ZBTB6: variants seen among roughly 807,000 people sequenced by gnomAD.
ZBTB6 encodes the protein zinc finger and BTB domain containing 6, also known as zinc finger and BTB domain-containing protein 6.
In ZBTB6, 11 loss-of-function variants were observed where a neutral mutation model predicts 30.6. The observed-to-expected ratio is 0.36, with a 90% CI of 0.23 to 0.60. The LOEUF (loss-of-function observed/expected upper bound fraction) is 0.60, where lower values mean the gene tolerates loss of function less well. Ranked by LOEUF, ZBTB6 falls within the 20% of genes least tolerant of loss-of-function variation. The pLI, the probability that ZBTB6 is intolerant of heterozygous loss-of-function variation, is 0.75. For synonymous variants in ZBTB6, 174 were observed against 172.0 expected, an observed-to-expected ratio of 1.01 and a Z score of -0.09; for missense variants, 380 against 489.4, an observed-to-expected ratio of 0.78 and a Z score of 2.11.
In ZBTB6 at chr9:122,910,898, T is replaced by A. The variant is rs374779737; in HGVS notation, c.1175A>T (p.Lys392Met). ...YKCHCCDMDF[K>M]HKSALKKHLT... ...GTGCTTTTTGAGAGCAGACTTGTGC[T>A]TGAAATCCATATCACAACAGTGGCA... The change falls in exon 2 of 2, where the codon AAG becomes ATG. Residue 392 changes from lysine to methionine, a missense_variant. Physicochemically the swap from Lys to Met is moderately conservative, Grantham distance 95. Coordinates refer to ENST00000373659, the MANE Select transcript of ZBTB6 (RefSeq NM_006626.6). 3.7e-6 allele frequency: 6 copies of A among 1,614,106 alleles called. No homozygotes were observed.
intron 1 of ZBTB6, 54 bp downstream of exon 1, chr9:122,913,197 C>T: frequency 3.1e-6 from 3 of 956,526 alleles, no homozygotes; most frequent in African/African-American, 3.5e-5. Flanking sequence ...TCCTCCTCCT[C>T]CTCCTCTTCC....
At position 122,911,494 on chromosome 9, in the gene ZBTB6, C is replaced by T. The variant is rs976645841; in HGVS notation, c.579G>A (p.Leu193=). 2.5e-5 allele frequency: 41 copies of T among 1,614,024 alleles called. No individual in the cohort carries two copies. The highest frequency in any genetic ancestry group is 3.4e-5 in the Non-Finnish European group (40 of 1,180,038). ...ACTTCATTTCCTTTCTCTCTGATGT[C>T]AGACTCTCTACTGTAGACTGCAAAG... ...SNALQSTVES[L]TSERKEMKSP... The change falls in exon 2 of 2, where the codon CTG becomes CTA. Residue 193 remains leucine (L), a synonymous_variant. Coordinates refer to ENST00000373659, the MANE Select transcript of ZBTB6 (RefSeq NM_006626.6). This position sits in a 1 kb window ranked among gnomAD's most constrained non-coding sequence, Gnocchi z 4.5.
chr9:122,910,529 C>A lies in ZBTB6; in HGVS notation c.*269G>T. ...CTGCTGGATCCTTTGTCACTAGAAT[C>A]AAGAATATATAAGAGAGGAACACTA... On this transcript the variant is annotated 3_prime_UTR_variant, in exon 2 of 2. Coordinates refer to ENST00000373659, the MANE Select transcript of ZBTB6 (RefSeq NM_006626.6). 1 of 304,002 alleles carries A rather than the reference C, an allele frequency of 3.3e-6. No homozygotes were observed. The highest frequency in any genetic ancestry group is 6.1e-6 in the Non-Finnish European group (1 of 163,840). The allele number at this position is 304,002 out of a possible 1,614,324, so 18.8% of individuals were successfully genotyped here. A position where few individuals can be genotyped will look rare whatever the true frequency, so the allele number is the denominator to read the frequency against.
At chr9:122,912,884 G>C (rs1448876949) in intron 1 of ZBTB6, among the ~76,000 whole-genome samples, 3 of 152,124 alleles carry the variant, frequency 2.0e-5, no homozygotes, top group Non-Finnish European at 4.4e-5. Context: ...TTTTCAGCTA[G>C]TGATTAGGCT....
chr9:122,910,610 C>T lies in ZBTB6; in HGVS notation c.*188G>A. ...GTAAGGTATGAGATGAGACAGAATCCCATCAGCTTTACTGTGCCTCCCATA... is the reference window on the plus strand; with the variant it reads ...GTAAGGTATGAGATGAGACAGAATCTCATCAGCTTTACTGTGCCTCCCATA... On this transcript the variant is annotated 3_prime_UTR_variant, in exon 2 of 2. Coordinates refer to ENST00000373659, the MANE Select transcript of ZBTB6 (RefSeq NM_006626.6). The T allele has an allele frequency of 3.4e-6, 2 of 585,670 alleles. No individual in the cohort carries two copies. Among genetic ancestry groups the T allele is most frequent in the South Asian group, 4.5e-5 (2 of 44,914 alleles). The allele number at this position is 585,670 out of a possible 1,614,324, so 36.3% of individuals were successfully genotyped here.
In ZBTB6 at chr9:122,910,413, T is replaced by C. The variant is rs1406301939; in HGVS notation, c.*385A>G. On this transcript the variant is annotated 3_prime_UTR_variant, in exon 2 of 2. Coordinates refer to ENST00000373659, the MANE Select transcript of ZBTB6 (RefSeq NM_006626.6). ...TAGTGTTTTTACCTTTATTTTCTCT[T>C]CTTGTTATCCTAATTCATTAAAGTT... The C allele has an allele frequency of 6.2e-6, 1 of 160,716 alleles. No homozygotes were observed. The highest frequency in any genetic ancestry group is 1.4e-5 in the Non-Finnish European group (1 of 73,430). 10.0% of individuals were successfully genotyped at this position (160,716 alleles called of 1,614,324 possible).
chr9:122,913,253 A>G lies in ZBTB6; in HGVS notation c.-12T>C. The G allele has an allele frequency of 4.1e-6, 4 of 986,076 alleles. No homozygotes were observed. Among genetic ancestry groups the G allele is most frequent in the Non-Finnish European group, 4.8e-6 (4 of 830,006 alleles). The allele number at this position is 986,076 out of a possible 1,614,324, so 61.1% of individuals were successfully genotyped here. On this transcript the variant is annotated splice_region_variant and 5_prime_UTR_variant, in exon 1 of 2. Coordinates refer to ENST00000373659, the MANE Select transcript of ZBTB6 (RefSeq NM_006626.6). The stretch of plus-strand genomic sequence containing the variant: ...GAATCTACTTTGCACTCACTCACCG[A>G]CTCAGAAAACTAGAGTCAAGGATTC...
rs1832921225 is a variant in ZBTB6, at chr9:122,908,276, T to A, written c.*2522A>T. 2.0e-5 allele frequency: 3 copies of A among 152,210 alleles called. No individual in the cohort carries two copies. Among genetic ancestry groups the A allele is most frequent in the African/African-American group, 7.2e-5 (3 of 41,452 alleles). The allele number at this position is 152,210 out of a possible 1,614,324, so 9.4% of individuals were successfully genotyped here. ...AATGTGAATATGTTAAATGAATAAA[T>A]TCTATACTTTGTCATACCTGAACTT... On this transcript the variant is annotated 3_prime_UTR_variant, in exon 2 of 2. Transcript: ENST00000373659.
Position 122,911,634 on chromosome 9 carries a change from CAGA to C in ZBTB6, c.436_438del (p.Ser146del). The C allele has an allele frequency of 6.2e-7, 1 of 1,613,410 alleles. No individual in the cohort carries two copies. Among genetic ancestry groups the C allele is most frequent in the Non-Finnish European group, 8.5e-7 (1 of 1,180,018 alleles). On this transcript the variant is annotated inframe_deletion, in exon 2 of 2. Transcript: ENST00000373659. The surrounding 1 kb of genome is among the most constrained non-coding windows in gnomAD (Gnocchi z 4.5). ...TCATCTTCATTCTTAACATCAGGAT[CAGA>C]AGACTGACACAGGTCAGTGTGTTGG... is the stretch of plus-strand genomic sequence containing the variant.
At chr9:122,913,217 C>T in intron 1 of ZBTB6, 34 bp downstream of exon 1, 5 of 976,780 alleles carry the variant, frequency 5.1e-6, no homozygotes, top group Non-Finnish European at 6.1e-6. Flanking sequence ...CTCAGGCACC[C>T]TCCACCTGAG....
chr9:122,909,042 T>C lies in ZBTB6; in HGVS notation c.*1756A>G, dbSNP rs922064970. ...AGCACAATGTCGCTAACTAGTAACA[T>C]TGGGTTATGAAGTCGGTTTTTTCAT... On this transcript the variant is annotated 3_prime_UTR_variant, in exon 2 of 2. Transcript: ENST00000373659. 1.4e-4 allele frequency: 21 copies of C among 152,180 alleles called. No homozygotes were observed. The highest frequency in any genetic ancestry group is 4.8e-4 in the African/African-American group (20 of 41,452). The allele number at this position is 152,180 out of a possible 1,614,324, so 9.4% of individuals were successfully genotyped here. A position where few individuals can be genotyped will look rare whatever the true frequency, so the allele number is the denominator to read the frequency against.
rs769873857 is a variant in ZBTB6, at chr9:122,911,764, G to A, written c.309C>T (p.Tyr103=). The A allele has an allele frequency of 1.9e-5, 30 of 1,614,176 alleles. No individual in the cohort carries two copies. Among genetic ancestry groups the A allele is most frequent in the Non-Finnish European group, 2.3e-5 (27 of 1,180,032 alleles). The part of the protein sequence containing the change: ...LEVKRKELLK[Y]LTAASYLQMV... ...TCTGAAGGTAACTGGCAGCAGTCAAGTATTTCAAAAGCTCTTTCCTTTTAA... is the reference window on the plus strand; with the variant it reads ...TCTGAAGGTAACTGGCAGCAGTCAAATATTTCAAAAGCTCTTTCCTTTTAA... Residue 103 remains tyrosine (Y), a synonymous_variant, in exon 2 of 2, where the codon TAC becomes TAT. Transcript: ENST00000373659. This position sits in a 1 kb window ranked among gnomAD's most constrained non-coding sequence, Gnocchi z 4.5.
Position 122,909,946 on chromosome 9 carries a change from A to G in ZBTB6, c.*852T>C, listed in dbSNP as rs1832936377. 1 of 152,230 alleles carries G rather than the reference A, an allele frequency of 6.6e-6. No homozygotes were observed. Among genetic ancestry groups the G allele is most frequent in the Non-Finnish European group, 1.5e-5 (1 of 68,032 alleles). The allele number at this position is 152,230 out of a possible 1,614,324, so 9.4% of individuals were successfully genotyped here. A position where few individuals can be genotyped will look rare whatever the true frequency, so the allele number is the denominator to read the frequency against. ...CACAAATCTTTCTGTTAAAATTCAC[A>G]GAACTATACACCAAGAAGAAATTTC... On this transcript the variant is annotated 3_prime_UTR_variant, in exon 2 of 2. Transcript: ENST00000373659.
At position 122,910,056 on chromosome 9, in the gene ZBTB6, T is replaced by C. The variant is rs1171855196; in HGVS notation, c.*742A>G. On this transcript the variant is annotated 3_prime_UTR_variant, in exon 2 of 2. Coordinates refer to ENST00000373659, the MANE Select transcript of ZBTB6 (RefSeq NM_006626.6). ...AGATATCCCTGGTAAAGGTAGAATTTCTCATTTTTCACAGCTTCATGCCAA... is the reference window on the plus strand; with the variant it reads ...AGATATCCCTGGTAAAGGTAGAATTCCTCATTTTTCACAGCTTCATGCCAA... 1 of 152,200 alleles carries C rather than the reference T, an allele frequency of 6.6e-6. No individual in the cohort carries two copies. Among genetic ancestry groups the C allele is most frequent in the Non-Finnish European group, 1.5e-5 (1 of 68,042 alleles). 9.4% of individuals were successfully genotyped at this position (152,200 alleles called of 1,614,324 possible).
rs1832944791 is a variant in ZBTB6, at chr9:122,910,729, C to T, written c.*69G>A. ...TTGGGGGGATGAAATATTACAAATGCTGCATCTCTACAGAAAGACTTGCGT... is the reference window on the plus strand; with the variant it reads ...TTGGGGGGATGAAATATTACAAATGTTGCATCTCTACAGAAAGACTTGCGT... On this transcript the variant is annotated 3_prime_UTR_variant, in exon 2 of 2. Coordinates refer to ENST00000373659, the MANE Select transcript of ZBTB6 (RefSeq NM_006626.6). 7.3e-7 allele frequency: 1 copy of T among 1,362,864 alleles called. No individual in the cohort carries two copies. The highest frequency in any genetic ancestry group is 1.5e-5 in the South Asian group (1 of 68,644). 84.4% of individuals were successfully genotyped at this position (1,362,864 alleles called of 1,614,324 possible).
At position 122,911,137 on chromosome 9, in the gene ZBTB6, A is replaced by G. The variant is rs756965514; in HGVS notation, c.936T>C (p.His312=). The change falls in exon 2 of 2, where the codon CAT becomes CAC. Residue 312 remains histidine (H), a synonymous_variant. Coordinates refer to ENST00000373659, the MANE Select transcript of ZBTB6 (RefSeq NM_006626.6). This position sits in a 1 kb window ranked among gnomAD's most constrained non-coding sequence, Gnocchi z 4.5. ...QCPRCPRGFL[H]VENYLRHLKM... Reference sequence around the variant, plus strand: ...TAAGGTGGCGCAGATAGTTTTCAACATGAAGAAAGCCTCGAGGACACCTGG... The same window carrying G: ...TAAGGTGGCGCAGATAGTTTTCAACGTGAAGAAAGCCTCGAGGACACCTGG... 6 of 1,614,116 alleles carry G rather than the reference A, an allele frequency of 3.7e-6. No individual in the cohort carries two copies. The highest frequency in any genetic ancestry group is 4.5e-5 in the East Asian group (2 of 44,906).
rs1188011230 is a variant in ZBTB6, at chr9:122,910,723, C to A, written c.*75G>T. 1 of 1,340,686 alleles carries A rather than the reference C, an allele frequency of 7.5e-7. No homozygotes were observed. The highest frequency in any genetic ancestry group is 1.0e-6 in the Non-Finnish European group (1 of 990,028). 83.0% of individuals were successfully genotyped at this position (1,340,686 alleles called of 1,614,324 possible). ...CAAAGATTGGGGGGATGAAATATTA[C>A]AAATGCTGCATCTCTACAGAAAGAC... On this transcript the variant is annotated 3_prime_UTR_variant, in exon 2 of 2. Coordinates refer to ENST00000373659, the MANE Select transcript of ZBTB6 (RefSeq NM_006626.6).
At chr9:122,913,046 A>G (rs553357193) in intron 1 of ZBTB6, among the ~76,000 whole-genome samples, 23 of 152,362 alleles carry the variant, frequency 1.5e-4, no homozygotes, top group Middle Eastern at 6.8e-3. Flanking sequence ...GGAGGAGCTC[A>G]GGGAACATCT....
chr9:122,909,838 T>A lies in ZBTB6; in HGVS notation c.*960A>T, dbSNP rs1411042662. 1 of 152,200 alleles carries A rather than the reference T, an allele frequency of 6.6e-6. No individual in the cohort carries two copies. The highest frequency in any genetic ancestry group is 1.9e-4 in the East Asian group (1 of 5,198). 9.4% of individuals were successfully genotyped at this position (152,200 alleles called of 1,614,324 possible). On this transcript the variant is annotated 3_prime_UTR_variant, in exon 2 of 2. Coordinates refer to ENST00000373659, the MANE Select transcript of ZBTB6 (RefSeq NM_006626.6). Reference sequence around the variant, plus strand: ...GGAGAACTGTTGCCAGGATTAGAGCTAGAAGGAGCTGACTACAAAGGGACA... The same window carrying A: ...GGAGAACTGTTGCCAGGATTAGAGCAAGAAGGAGCTGACTACAAAGGGACA...
Sources: allele counts gnomAD v4.1 joint callset (sites outside exome capture counted in the v4.1 genomes callset), GRCh38; gene constraint gnomAD v4.1.1; non-coding constraint Gnocchi (gnomAD v3.1); transcripts MANE v1.5; gene names NCBI Gene and HGNC (gene_info 2026-07-23, HGNC 2026-07-21).